The following FAM53C variants were observed in gnomAD, a reference collection of about 807,000 sequenced individuals.
FAM53C encodes the protein family with sequence similarity 53 member C, also known as protein FAM53C.
In FAM53C, 10 loss-of-function variants were observed where a neutral mutation model predicts 34.7. The ratio of observed to expected loss-of-function variants is 0.29; its 90% confidence interval spans 0.18 to 0.49. The LOEUF is 0.49. Among genes scored for constraint, FAM53C ranks in the 20% least tolerant of loss-of-function variants. FAM53C has a pLI of 0.99. For missense variants in FAM53C, 442 were observed against 515.3 expected, an observed-to-expected ratio of 0.86 and a Z score of 1.38; for synonymous variants, 203 against 203.6, an observed-to-expected ratio of 1.00 and a Z score of 0.03.
chr5:138,344,248 G>A (rs1483531808), intron 3 of FAM53C, among the ~76,000 whole-genome samples: 1 of 152,142 alleles, frequency 6.6e-6, no homozygotes. Flanking sequence ...ACTGTCAAAG[G>A]CCTTCCCCAC....
chr5:138,345,530 G>A lies in FAM53C; in HGVS notation c.842G>A (p.Arg281His), dbSNP rs756447468. 11 of 1,613,886 alleles carry A rather than the reference G, an allele frequency of 6.8e-6. No individual in the cohort carries two copies. Among genetic ancestry groups the A allele is most frequent in the East Asian group, 2.2e-5 (1 of 44,884 alleles). Residue 281 changes from arginine to histidine, a missense_variant, in exon 4 of 5, where the codon CGC becomes CAC. Physicochemically the swap from Arg to His is conservative, Grantham distance 29. Transcript: ENST00000239906. The surrounding 1 kb of genome is among the most constrained non-coding windows in gnomAD (Gnocchi z 6.3). The stretch of plus-strand genomic sequence containing the variant: ...TCACAGCCTTGTGATCTGGATGCCC[G>A]CAAAACTGGGGTCAAGCGGCGCCAC... ...SRSQPCDLDA[R>H]KTGVKRRHEE...
chr5:138,345,394 A>C lies in FAM53C; in HGVS notation c.706A>C (p.Ser236Arg), dbSNP rs1761142778. Residue 236 changes from serine (S) to arginine (R), a missense_variant, in exon 4 of 5, where the codon AGT becomes CGT. Coordinates refer to ENST00000239906, the MANE Select transcript of FAM53C (RefSeq NM_016605.3). The surrounding 1 kb of genome is among the most constrained non-coding windows in gnomAD (Gnocchi z 6.3). ...PPQRRFSLSP[S>R]LGPQASRFLP... ...TCAGCGCCGCTTCTCCCTGTCACCCAGTCTGGGCCCGCAGGCAAGCCGCTT... is the reference window on the plus strand; with the variant it reads ...TCAGCGCCGCTTCTCCCTGTCACCCCGTCTGGGCCCGCAGGCAAGCCGCTT... The C allele has an allele frequency of 1.2e-6, 2 of 1,613,902 alleles. No individual in the cohort carries two copies. The highest frequency in any genetic ancestry group is 3.3e-5 in the Admixed American group (2 of 59,988).
At chr5:138,346,097 A>G (rs1466265363) in intron 4 of FAM53C, among the ~76,000 whole-genome samples, 1 of 152,188 alleles carries the variant, frequency 6.6e-6, no homozygotes, top group Non-Finnish European at 1.5e-5. Flanking sequence ...CAATTATTGT[A>G]TGTATGCACT....
At chr5:138,344,474 T>C (rs1761114614) in intron 3 of FAM53C, among the ~76,000 whole-genome samples, 1 of 152,260 alleles carries the variant, frequency 6.6e-6, no homozygotes, top group Admixed American at 6.5e-5. Context: ...TTTGTTTCTC[T>C]TGACTTCTTT....
intron 1 of FAM53C, 116 bp from the exon 2 acceptor site, chr5:138,341,068 T>G (rs1761019985): frequency 3.7e-6 from 2 of 545,778 alleles, no homozygotes; most frequent in South Asian, 3.3e-5. Context: ...CTGTGATCAA[T>G]TGATGTCTGC....
chr5:138,337,901 A>G, upstream of FAM53C: 1 of 1,217,750 alleles, frequency 8.2e-7, no homozygotes, highest in Admixed American at 2.5e-5. Flanking sequence ...ACCGAGTGGG[A>G]GGCTGCAGTT....
chr5:138,337,992 T>C, upstream of FAM53C: 1 of 1,289,566 alleles, frequency 7.8e-7, no homozygotes, highest in Non-Finnish European at 1.0e-6. Flanking sequence ...GGTTTCAAGA[T>C]GTGCCTCCAA....
At chr5:138,339,481 A>C (rs949257126) in intron 1 of FAM53C, among the ~76,000 whole-genome samples, 4 of 152,216 alleles carry the variant, frequency 2.6e-5, no homozygotes, top group Non-Finnish European at 2.9e-5. Context: ...TCTTGACTTG[A>C]TCCTAGAGGT....
chr5:138,348,639 C>T lies in FAM53C; in HGVS notation c.*1680C>T, dbSNP rs2126893316. On this transcript the variant is annotated 3_prime_UTR_variant, in exon 5 of 5. Transcript: ENST00000239906. ...GGAGCATCAGTGAGGCTTCAGCCTC[C>T]TCGTCTCCACTCCAGAGAGGAGGTG... is the stretch of plus-strand genomic sequence containing the variant. 1 of 152,292 alleles carries T rather than the reference C, an allele frequency of 6.6e-6. No individual in the cohort carries two copies. The highest frequency in any genetic ancestry group is 2.1e-4 in the South Asian group (1 of 4,832). The allele number at this position is 152,292 out of a possible 1,614,324, so 9.4% of individuals were successfully genotyped here.
rs113580958 is a variant in FAM53C, at chr5:138,346,778, C to T, written c.998C>T (p.Ala333Val). 2 of 1,614,204 alleles carry T rather than the reference C, an allele frequency of 1.2e-6. No individual in the cohort carries two copies. Among genetic ancestry groups the T allele is most frequent in the African/African-American group, 1.3e-5 (1 of 75,068 alleles). Residue 333 changes from alanine to valine, a missense_variant, in exon 5 of 5, where the codon GCC becomes GTC. By Grantham distance (64) the Ala-to-Val change is moderately conservative. Transcript: ENST00000239906. Reference protein sequence around the residue: ...GSSISPPWFMACSPPPLSASC... With the variant: ...GSSISPPWFMVCSPPPLSASC... ...AGCATCTCTCCACCATGGTTCATGGCCTGTAGCCCCCCACCCCTCTCTGCT... is the reference window on the plus strand; with the variant it reads ...AGCATCTCTCCACCATGGTTCATGGTCTGTAGCCCCCCACCCCTCTCTGCT...
intron 1 of FAM53C, among the ~76,000 whole-genome samples, chr5:138,338,811 C>T (rs1760919464): frequency 6.6e-6 from 1 of 152,218 alleles, no homozygotes; most frequent in Non-Finnish European, 1.5e-5. Flanking sequence ...AGCTCCCTGC[C>T]TTCCTCATGT....
upstream of FAM53C, chr5:138,338,108 T>C (rs1000645448): frequency 5.4e-6 from 7 of 1,289,676 alleles, no homozygotes; most frequent in African/African-American, 1.1e-4. Flanking sequence ...AACAGCGCTG[T>C]CCGAGAGACA....
At chr5:138,344,218 G>A (rs1761106850) in intron 3 of FAM53C, among the ~76,000 whole-genome samples, 1 of 152,188 alleles carries the variant, frequency 6.6e-6, no homozygotes, top group African/African-American at 2.4e-5. Context: ...CAAAGTCAGG[G>A]TTTCCCAAGC....
chr5:138,344,574 A>G (rs994332795), intron 3 of FAM53C, among the ~76,000 whole-genome samples: 18 of 152,350 alleles, frequency 1.2e-4, no homozygotes, highest in Middle Eastern at 6.8e-3. Context: ...ATAGTGGTTT[A>G]AAAACCTAGC....
Position 138,344,914 on chromosome 5 carries a change from C to T in FAM53C, c.226C>T (p.Leu76=), listed in dbSNP as rs559653385. The T allele has an allele frequency of 2.4e-5, 39 of 1,614,098 alleles. No individual in the cohort carries two copies. In the South Asian group the frequency reaches 4.3e-4, roughly 18 times the overall value. The change falls in exon 4 of 5, where the codon CTG becomes TTG. Residue 76 remains leucine, a synonymous_variant. Transcript: ENST00000239906. ...NFSYHPSGLS[L]HLRPPSRGNS... is the part of the protein sequence containing the mutation. ...CAGCTACCATCCCTCAGGCCTGAGC[C>T]TGCACCTCAGACCACCCAGTCGGGG...
rs767814450 is a variant in FAM53C at position 138,344,985 on chromosome 5, G to A, written c.297G>A (p.Glu99=). 1.9e-6 allele frequency: 3 copies of A among 1,613,842 alleles called. No homozygotes were observed. Among genetic ancestry groups the A allele is most frequent in the African/African-American group, 1.3e-5 (1 of 74,968 alleles). ...CCTTCTCCCAAGTCCTAAGACCTGA[G>A]CCCCCAGATCCAGAGAAGCTTCCTG... ...EQPFSQVLRP[E]PPDPEKLPVP... Residue 99 remains glutamate, a synonymous_variant, in exon 4 of 5, where the codon GAG becomes GAA. Coordinates refer to ENST00000239906, the MANE Select transcript of FAM53C (RefSeq NM_016605.3).
At position 138,345,393 on chromosome 5, in the gene FAM53C, C is replaced by T. The variant is rs768786927; in HGVS notation, c.705C>T (p.Pro235=). ...CTCAGCGCCGCTTCTCCCTGTCACCCAGTCTGGGCCCGCAGGCAAGCCGCT... is the reference window on the plus strand; with the variant it reads ...CTCAGCGCCGCTTCTCCCTGTCACCTAGTCTGGGCCCGCAGGCAAGCCGCT... ...CPPQRRFSLS[P]SLGPQASRFL... Residue 235 remains proline (P), a synonymous_variant, in exon 4 of 5, where the codon CCC becomes CCT. Transcript: ENST00000239906. This position sits in a 1 kb window ranked among gnomAD's most constrained non-coding sequence, Gnocchi z 6.3. The T allele has an allele frequency of 9.9e-6, 16 of 1,613,962 alleles. No individual in the cohort carries two copies. Among genetic ancestry groups the T allele is most frequent in the African/African-American group, 5.3e-5 (4 of 74,946 alleles).
rs1761156560 is a variant in FAM53C at position 138,345,735 on chromosome 5, T to C, written c.921+126T>C. The C allele has an allele frequency of 8.9e-7, 1 of 1,127,234 alleles. No homozygotes were observed. Among genetic ancestry groups the C allele is most frequent in the Non-Finnish European group, 1.3e-6 (1 of 799,138 alleles). 69.8% of individuals were successfully genotyped at this position (1,127,234 alleles called of 1,614,324 possible). On this transcript the variant is annotated intron_variant, in intron 4 of 4. Transcript: ENST00000239906. The surrounding 1 kb of genome is among the most constrained non-coding windows in gnomAD (Gnocchi z 6.3). ...CACCAACAGCACCTCCTTTAGCTCTTAGCTAGGGTGACCTACCATCCCAGT... is the reference window on the plus strand; with the variant it reads ...CACCAACAGCACCTCCTTTAGCTCTCAGCTAGGGTGACCTACCATCCCAGT...
At position 138,347,915 on chromosome 5, in the gene FAM53C, A is replaced by G. The variant is rs995145632; in HGVS notation, c.*956A>G. The G allele has an allele frequency of 4.6e-5, 7 of 152,110 alleles. No homozygotes were observed. Among genetic ancestry groups the G allele is most frequent in the South Asian group, 2.1e-4 (1 of 4,822 alleles). 9.4% of individuals were successfully genotyped at this position (152,110 alleles called of 1,614,324 possible). A position where few individuals can be genotyped will look rare whatever the true frequency, so the allele number is the denominator to read the frequency against. ...CCCTCACCCTCTGCCCTTCTAAGTCATAGACTAGGTAGGAAGGCCCTATAT... is the reference window on the plus strand; with the variant it reads ...CCCTCACCCTCTGCCCTTCTAAGTCGTAGACTAGGTAGGAAGGCCCTATAT... On this transcript the variant is annotated 3_prime_UTR_variant, in exon 5 of 5. Transcript: ENST00000239906.
Sources: allele counts gnomAD v4.1 joint callset (sites outside exome capture counted in the v4.1 genomes callset), GRCh38; gene constraint gnomAD v4.1.1; non-coding constraint Gnocchi (gnomAD v3.1); transcripts MANE v1.5; gene names NCBI Gene and HGNC (gene_info 2026-07-23, HGNC 2026-07-21).